The following INPP5B variants were observed in gnomAD, a reference collection of about 807,000 sequenced individuals.
The protein encoded by INPP5B is type II inositol 1,4,5-trisphosphate 5-phosphatase.
In INPP5B, 90 loss-of-function variants were observed where a neutral mutation model predicts 118.5. That is an observed-to-expected ratio of 0.76 (90% CI 0.64 to 0.90). INPP5B has a LOEUF of 0.90. Among genes scored for constraint, INPP5B ranks in the 40% least tolerant of loss-of-function variants. The probability of loss-of-function intolerance (pLI) is 0.00; values close to 1 mark genes in which losing one functional copy is unlikely to be tolerated. For synonymous variants in INPP5B, 385 were observed against 418.9 expected (o/e 0.92, Z 0.99); for missense variants, 984 against 1,125.6 (o/e 0.87, Z 1.80).
At chr1:37,897,597 G>C (rs1008185907) in intron 7 of INPP5B, among the ~76,000 whole-genome samples, 7 of 150,596 alleles carry the variant, frequency 4.6e-5, no homozygotes, top group African/African-American at 1.7e-4. Context: ...CAAACACTGC[G>C]GAAGGCCGAA....
At chr1:37,910,576 C>T (rs568423503) in intron 7 of INPP5B, among the ~76,000 whole-genome samples, 5 of 152,146 alleles carry the variant, frequency 3.3e-5, no homozygotes, top group South Asian at 2.1e-4. Context: ...TCCTTGGCAA[C>T]GGATGATGCA....
intron 13 of INPP5B, chr1:37,883,636 G>C (rs1643341113): frequency 1.0e-6 from 1 of 985,398 alleles, no homozygotes; most frequent in Non-Finnish European, 1.2e-6. Flanking sequence ...ACTAAAAGCA[G>C]ACAAACTGAC....
chr1:37,874,015 G>A lies in INPP5B; in HGVS notation c.1929C>T (p.Pro643=). Reference sequence around the variant, plus strand: ...TACCTGGCAGGAGGAAGCCTCTGCTGGGGTTGGCATTCAGCCACTGCTTAC... The same window carrying A: ...TACCTGGCAGGAGGAAGCCTCTGCTAGGGTTGGCATTCAGCCACTGCTTAC... ...SYCKQWLNAN[P]SRGFLLPDSD... is the part of the protein sequence containing the mutation. Residue 643 remains proline, a synonymous_variant, in exon 18 of 24, where the codon CCC becomes CCT. Coordinates refer to ENST00000373024, the MANE Select transcript of INPP5B (RefSeq NM_005540.3). The A allele has an allele frequency of 1.3e-6, 2 of 1,583,938 alleles. No homozygotes were observed. The highest frequency in any genetic ancestry group is 8.6e-7 in the Non-Finnish European group (1 of 1,157,882).
In INPP5B at chr1:37,866,468, C is replaced by T. The variant is rs760192436; in HGVS notation, c.2377G>A (p.Asp793Asn). ...AATGTCTGAAGGATACAGAGGTTAT[C>T]AATCATTCCAGTATCCAAGCAGTCC... ...IRDCLDTGMI[D>N]NLSASNHSVA... Residue 793 changes from aspartate to asparagine, a missense_variant, in exon 21 of 24, where the codon GAT (aspartate) becomes AAT (asparagine). Physicochemically the swap from Asp to Asn is conservative, Grantham distance 23. This residue lies in a region of INPP5B where 634 missense variants were observed against 791.0 expected (regional missense o/e 0.80). Coordinates refer to ENST00000373024, the MANE Select transcript of INPP5B (RefSeq NM_005540.3). The T allele has an allele frequency of 1.3e-5, 21 of 1,572,292 alleles. No homozygotes were observed. Among genetic ancestry groups the T allele is most frequent in the Middle Eastern group, 1.7e-4 (1 of 6,024 alleles).
chr1:37,944,759 T>G (rs956838220), intron 3 of INPP5B, among the ~76,000 whole-genome samples: 4 of 151,868 alleles, frequency 2.6e-5, no homozygotes, highest in African/African-American at 4.8e-5. Context: ...TTTTCTTATT[T>G]TTTGTAGAGA....
chr1:37,914,726 CATGATAATGGTTCCATT>C (rs955631054), intron 7 of INPP5B, among the ~76,000 whole-genome samples: 1 of 152,172 alleles, frequency 6.6e-6, no homozygotes, highest in African/African-American at 2.4e-5. Context: ...TCCATCAAGG[CATGATAATGGTTCCATT>C]ATGATAATGG....
chr1:37,937,380 C>T (rs1189914577), intron 6 of INPP5B, among the ~76,000 whole-genome samples: 1 of 152,036 alleles, frequency 6.6e-6, no homozygotes, highest in Non-Finnish European at 1.5e-5. Context: ...GCCTGTAATC[C>T]CAGCACTTTT....
At chr1:37,921,411 G>T (rs117108681) in intron 7 of INPP5B, among the ~76,000 whole-genome samples, 1 of 152,312 alleles carries the variant, frequency 6.6e-6, no homozygotes, top group East Asian at 1.9e-4. Flanking sequence ...ATTTTTTCCA[G>T]TTCAGCTTTG....
Position 37,883,391 on chromosome 1 carries a change from T to G in INPP5B, c.1320-473A>C, listed in dbSNP as rs568819733. On this transcript the variant is annotated intron_variant, in intron 13 of 23. Transcript: ENST00000373024. ...CCTCTGAAACAAAGTTCAAACTTTA[T>G]AGTGGAGCCTGGATTTAACCAGCAG... is the stretch of plus-strand genomic sequence containing the variant. The G allele has an allele frequency of 1.8e-4, 174 of 985,442 alleles. No individual in the cohort carries two copies. The African/African-American group carries it at 2.9e-3, about 16-fold the overall frequency. The allele number at this position is 985,442 out of a possible 1,614,324, so 61.0% of individuals were successfully genotyped here.
Position 37,943,944 on chromosome 1 carries a change from G to A in INPP5B, c.153-51C>T, listed in dbSNP as rs61580780. On this transcript the variant is annotated intron_variant, in intron 3 of 23. Coordinates refer to ENST00000373024, the MANE Select transcript of INPP5B (RefSeq NM_005540.3). ...ATGGGGGCCCGCTGGCTGTCCCTCA[G>A]CCCTATCTTGGAGGTCTCGGGGTGC... 5.8e-3 allele frequency: 7,883 copies of A among 1,370,658 alleles called. 355 individuals carry two copies. In the African/African-American group the frequency reaches 0.098, roughly 17 times the overall value. The allele number at this position is 1,370,658 out of a possible 1,614,324, so 84.9% of individuals were successfully genotyped here.
At chr1:37,865,718 G>T in intron 22 of INPP5B, 43 bp downstream of exon 22, 1 of 1,602,522 alleles carries the variant, frequency 6.2e-7, no homozygotes, top group Non-Finnish European at 8.5e-7. Context: ...TTAGCCCCAT[G>T]GGGTCTGGGG....
chr1:37,933,719 CAATAAATAAATAAATAAATAAATA>C (rs148542689), intron 6 of INPP5B, among the ~76,000 whole-genome samples: 1 of 138,506 alleles, frequency 7.2e-6, no homozygotes, highest in South Asian at 2.3e-4. Context: ...GACTCTGTCT[CAATAAATAAATAAATAAATAAATA>C]AATAAATAAA....
At chr1:37,865,920 G>A (rs1025015443) in intron 21 of INPP5B, 32 bp from the exon 22 acceptor site, 2 of 1,607,538 alleles carry the variant, frequency 1.2e-6, no homozygotes, top group African/African-American at 1.3e-5. Context: ...AACCGATAAT[G>A]CTGCTGTCCA....
rs542588485 is a variant in INPP5B, at chr1:37,927,772, C to T, written c.532+4141G>A. ...CAGGATGGTCTCAATCTCCTGACCTCGTGATCCGCCCTCCTTGGCCTCCCA... is the reference window on the plus strand; with the variant it reads ...CAGGATGGTCTCAATCTCCTGACCTTGTGATCCGCCCTCCTTGGCCTCCCA... On this transcript the variant is annotated intron_variant, in intron 7 of 23. Transcript: ENST00000373024. 6.7e-3 allele frequency among the ~76,000 whole-genome samples: 1,015 copies of T among 152,130 alleles called. 7 individuals are homozygous for T. The highest frequency in any genetic ancestry group is 0.018 in the Admixed American group (280 of 15,274).
In INPP5B at chr1:37,891,351, G is replaced by T. The variant is rs774613508; in HGVS notation, c.629+7C>A. On this transcript the variant is annotated splice_region_variant and intron_variant, in intron 8 of 23. Coordinates refer to ENST00000373024, the MANE Select transcript of INPP5B (RefSeq NM_005540.3). The stretch of plus-strand genomic sequence containing the variant: ...ACAAGGGACAAGTGAAGGGAGAGTT[G>T]CATTACCTTGGTTGCAAGCTTTCTG... 2.5e-6 allele frequency: 4 copies of T among 1,605,424 alleles called. No homozygotes were observed. In the African/African-American group the frequency reaches 5.4e-5, roughly 21 times the overall value.
At chr1:37,921,517 A>G (rs12735735) in intron 7 of INPP5B, among the ~76,000 whole-genome samples, 89,591 of 151,982 alleles carry the variant, frequency 0.59, 28,305 homozygotes, top group Non-Finnish European at 0.71. Flanking sequence ...AATATCTCAC[A>G]GCTTTAAAAA....
chr1:37,865,614 A>G (rs1641979840), intron 22 of INPP5B, 147 bp downstream of exon 22: 1 of 855,982 alleles, frequency 1.2e-6, no homozygotes, highest in African/African-American at 1.7e-5. Context: ...TAAAAGAAAC[A>G]AAGACATAAG....
At chr1:37,940,596 G>A in intron 6 of INPP5B, 92 bp downstream of exon 6, 1 of 732,928 alleles carries the variant, frequency 1.4e-6, no homozygotes. Flanking sequence ...GAAACCATGG[G>A]GTAAGAGTCC....
chr1:37,870,274 T>C (rs2148458263), intron 19 of INPP5B, among the ~76,000 whole-genome samples: 1 of 152,058 alleles, frequency 6.6e-6, no homozygotes, highest in Non-Finnish European at 1.5e-5. Context: ...CATACCCAGC[T>C]CATTTCTTAA....
Sources: gnomAD v4.1 joint callset for allele counts (sites outside exome capture counted in the v4.1 genomes callset) on GRCh38, gnomAD v4.1.1 for gene constraint, gnomAD v4.1.1 regional missense constraint, MANE v1.5 for transcripts, NCBI Gene and HGNC (gene_info 2026-07-23, HGNC 2026-07-21) for gene names.